TNFSF4: variants seen among roughly 807,000 people sequenced by gnomAD.
TNFSF4 encodes the protein tumor necrosis factor ligand superfamily member 4.
In TNFSF4, 4 loss-of-function variants were observed where a neutral mutation model predicts 7.3. The ratio of observed to expected loss-of-function variants is 0.55; its 90% CI spans 0.27 to 1.25. The LOEUF is 1.25. Among genes scored for constraint, TNFSF4 ranks in the 50% most tolerant of loss-of-function variants. The pLI is 0.12. For synonymous variants in TNFSF4, 76 were observed against 83.7 expected (o/e 0.91, Z 0.50); for missense variants, 181 against 208.8 (o/e 0.87, Z 0.82).
the TNFSF4 span, among the ~76,000 whole-genome samples, chr1:173,214,760 T>C: frequency 1.6e-3 from 245 of 152,348 alleles, no homozygotes; most frequent in African/African-American, 5.7e-3. Context: ...CTTCCATTTA[T>C]TGTGTGCTTT....
chr1:173,397,392 T>C, the TNFSF4 span, among the ~76,000 whole-genome samples: 1 of 152,164 alleles, frequency 6.6e-6, no homozygotes, highest in Non-Finnish European at 1.5e-5. Flanking sequence ...CAACTGTACA[T>C]TGGGGAAAAG....
chr1:173,299,599 G>T, the TNFSF4 span, among the ~76,000 whole-genome samples: 1 of 152,038 alleles, frequency 6.6e-6, no homozygotes, highest in Admixed American at 6.6e-5. Flanking sequence ...TTTAGCAAAA[G>T]ATCCACAGGA....
the TNFSF4 span, among the ~76,000 whole-genome samples, chr1:173,383,176 A>C: frequency 2.6e-5 from 4 of 152,148 alleles, no homozygotes; most frequent in Non-Finnish European, 4.4e-5. Flanking sequence ...GATGTAACTA[A>C]ACATCTTACT....
At chr1:173,199,116 G>A (rs756829946) in intron 1 of TNFSF4, among the ~76,000 whole-genome samples, 5 of 152,250 alleles carry the variant, frequency 3.3e-5, no homozygotes, top group African/African-American at 4.8e-5. Context: ...CTTATCATAC[G>A]CTATTGCTTG....
chr1:173,271,000 CG>C, the TNFSF4 span, among the ~76,000 whole-genome samples: 1 of 152,006 alleles, frequency 6.6e-6, no homozygotes, highest in East Asian at 1.9e-4. Flanking sequence ...TAAGCTGCAT[CG>C]AGTTTAAGCC....
At chr1:173,340,485 G>C in the TNFSF4 span, among the ~76,000 whole-genome samples, 2 of 152,074 alleles carry the variant, frequency 1.3e-5, no homozygotes, top group East Asian at 3.8e-4. Flanking sequence ...TTGAGGTGAT[G>C]AGCCTGACCC....
chr1:173,181,435 T>C (rs528643695), downstream of TNFSF4, among the ~76,000 whole-genome samples: 8 of 152,276 alleles, frequency 5.3e-5, no homozygotes, highest in South Asian at 1.7e-3. Context: ...ATGCTAAAAG[T>C]CTGTGTTTCC....
the TNFSF4 span, among the ~76,000 whole-genome samples, chr1:173,440,169 T>C: frequency 1.3e-5 from 2 of 152,214 alleles, no homozygotes; most frequent in Non-Finnish European, 2.9e-5. Context: ...TTCCGTTGCA[T>C]GGACAAGCCC....
the TNFSF4 span, among the ~76,000 whole-genome samples, chr1:173,444,219 C>T: frequency 6.6e-6 from 1 of 152,106 alleles, no homozygotes; most frequent in South Asian, 2.1e-4. Flanking sequence ...AGGCTGTGAT[C>T]CCAGATCAGG....
chr1:173,224,807 AAG>A, the TNFSF4 span, among the ~76,000 whole-genome samples: 1 of 152,200 alleles, frequency 6.6e-6, no homozygotes, highest in Non-Finnish European at 1.5e-5. Flanking sequence ...TGAGCAGATG[AAG>A]AGAGAGCATG....
chr1:173,247,625 T>G, the TNFSF4 span, among the ~76,000 whole-genome samples: 1 of 152,206 alleles, frequency 6.6e-6, no homozygotes, highest in Non-Finnish European at 1.5e-5. Context: ...TTTGGCATTT[T>G]TTATTTTTTT....
chr1:173,408,402 T>C, the TNFSF4 span, among the ~76,000 whole-genome samples: 1 of 152,182 alleles, frequency 6.6e-6, no homozygotes, highest in African/African-American at 2.4e-5. Context: ...TCCATACTAA[T>C]ATAAATAATT....
the TNFSF4 span, among the ~76,000 whole-genome samples, chr1:173,380,408 T>C: frequency 5.3e-5 from 8 of 152,018 alleles, no homozygotes; most frequent in Admixed American, 1.3e-4. Context: ...CAAATCAGGC[T>C]AAAAGACCCC....
At chr1:173,356,618 A>G in the TNFSF4 span, among the ~76,000 whole-genome samples, 1 of 152,208 alleles carries the variant, frequency 6.6e-6, no homozygotes. Context: ...AAGTGAGTTC[A>G]CATCCTGTCC....
At chr1:173,302,413 G>A in the TNFSF4 span, among the ~76,000 whole-genome samples, 651 of 152,038 alleles carry the variant, frequency 4.3e-3, 2 homozygotes, top group Non-Finnish European at 6.6e-3. Context: ...AGGAGAAAGA[G>A]AAGGGTAAAC....
At chr1:173,416,575 T>G in the TNFSF4 span, among the ~76,000 whole-genome samples, 3 of 138,414 alleles carry the variant, frequency 2.2e-5, no homozygotes, top group African/African-American at 7.9e-5. Context: ...TTGCTTCCTT[T>G]CACTGAGGAC....
chr1:173,277,259 C>CAGA, the TNFSF4 span, among the ~76,000 whole-genome samples: 1 of 152,120 alleles, frequency 6.6e-6, no homozygotes, highest in African/African-American at 2.4e-5. Context: ...GGTAACTATT[C>CAGA]AGGATCTGTT....
intron 1 of TNFSF4, among the ~76,000 whole-genome samples, chr1:173,202,070 T>TATATATATATATATATATATACACA (rs150074641): frequency 3.2e-4 from 48 of 149,626 alleles, no homozygotes; most frequent in African/African-American, 4.5e-4. Context: ...TATATATATA[T>TATATATATATATATATATATACACA]ACACACACAC....
chr1:173,257,872 G>A, the TNFSF4 span, among the ~76,000 whole-genome samples: 1 of 152,110 alleles, frequency 6.6e-6, no homozygotes, highest in Non-Finnish European at 1.5e-5. Context: ...CTCAATTTCT[G>A]GCACCACCCT....
Sources: gnomAD v4.1 joint callset for allele counts (sites outside exome capture counted in the v4.1 genomes callset) on GRCh38, gnomAD v4.1.1 for gene constraint, MANE v1.5 for transcripts, NCBI Gene and HGNC (gene_info 2026-07-23, HGNC 2026-07-21) for gene names.